Variants in ASTN2 observed in about 807,000 individuals in gnomAD.
ASTN2 encodes the protein astrotactin-2.
In ASTN2, 54 loss-of-function variants were observed where a neutral mutation model predicts 139.8. That is an observed-to-expected ratio of 0.39 (90% CI 0.31 to 0.48). ASTN2 has a LOEUF of 0.48. ASTN2 is among the 20% of genes least tolerant of loss of function. ASTN2 has a pLI of 0.95. For missense variants in ASTN2, 1,565 were observed against 1,725.1 expected, an observed-to-expected ratio of 0.91 and a Z score of 1.64; for synonymous variants, 756 against 719.5, an observed-to-expected ratio of 1.05 and a Z score of -0.81.
At chr9:117,382,601 G>T (rs564442908) in intron 1 of ASTN2, among the ~76,000 whole-genome samples, 1 of 152,196 alleles carries the variant, frequency 6.6e-6, no homozygotes, top group African/African-American at 2.4e-5. Flanking sequence ...ATGCTCCTAG[G>T]CCAGGGATGG....
chr9:116,549,539 T>G (rs941430437), intron 19 of ASTN2, among the ~76,000 whole-genome samples: 5 of 152,350 alleles, frequency 3.3e-5, no homozygotes, highest in Admixed American at 3.3e-4. Flanking sequence ...TTCCTCACCC[T>G]GTTTCCAGCC....
chr9:116,822,185 C>A (rs957967340), intron 11 of ASTN2, among the ~76,000 whole-genome samples: 7 of 42,402 alleles, frequency 1.7e-4, no homozygotes, highest in African/African-American at 7.6e-4. Context: ...TTACAAAAAC[C>A]ACAATAACAA....
chr9:116,480,770 C>G (rs1030788726), intron 20 of ASTN2, among the ~76,000 whole-genome samples: 1 of 152,090 alleles, frequency 6.6e-6, no homozygotes, highest in African/African-American at 2.4e-5. Flanking sequence ...ACAGTAGAGG[C>G]AAAGACCTTG....
At chr9:117,256,718 A>G (rs1833696951) in intron 2 of ASTN2, among the ~76,000 whole-genome samples, 1 of 152,194 alleles carries the variant, frequency 6.6e-6, no homozygotes, top group Non-Finnish European at 1.5e-5. Context: ...AATTATTACC[A>G]TTCTTTATCC....
intron 19 of ASTN2, among the ~76,000 whole-genome samples, chr9:116,512,880 G>A (rs1236331410): frequency 6.6e-6 from 1 of 151,818 alleles, no homozygotes; most frequent in Non-Finnish European, 1.5e-5. Flanking sequence ...TCTTTATTTT[G>A]AGCCTATGTG....
intron 5 of ASTN2, among the ~76,000 whole-genome samples, chr9:117,042,517 G>T (rs117444459): frequency 0.021 from 3,262 of 152,168 alleles, 117 homozygotes; most frequent in East Asian, 0.099. Flanking sequence ...ACATAAAAAG[G>T]TGATTCCAGT....
At chr9:116,996,222 T>C (rs893178569) in intron 7 of ASTN2, among the ~76,000 whole-genome samples, 14 of 152,148 alleles carry the variant, frequency 9.2e-5, no homozygotes, top group Non-Finnish European at 1.3e-4. Flanking sequence ...TGAGGACTTA[T>C]CTGATAATTA....
intron 11 of ASTN2, among the ~76,000 whole-genome samples, chr9:116,852,628 G>T (rs917565316): frequency 1.3e-5 from 2 of 152,056 alleles, no homozygotes; most frequent in African/African-American, 4.8e-5. Flanking sequence ...AGAAGCTGGA[G>T]AATACAGGCA....
At chr9:117,197,818 T>A (rs1427465155) in intron 3 of ASTN2, among the ~76,000 whole-genome samples, 1 of 152,224 alleles carries the variant, frequency 6.6e-6, no homozygotes, top group East Asian at 1.9e-4. Flanking sequence ...TGTTAATTAT[T>A]GAAAAATATT....
chr9:117,290,924 G>T (rs184225571), intron 2 of ASTN2, among the ~76,000 whole-genome samples: 12 of 152,284 alleles, frequency 7.9e-5, no homozygotes, highest in Admixed American at 7.8e-4. Flanking sequence ...TTAGGAAAAG[G>T]CAGCCTGTTC....
chr9:117,268,417 T>C (rs1205260385), intron 2 of ASTN2, among the ~76,000 whole-genome samples: 2 of 152,122 alleles, frequency 1.3e-5, no homozygotes, highest in African/African-American at 4.8e-5. Flanking sequence ...TTGACTGAAG[T>C]TCAAATCCAA....
chr9:116,840,739 G>A (rs1013393030), intron 11 of ASTN2, among the ~76,000 whole-genome samples: 8 of 145,004 alleles, frequency 5.5e-5, no homozygotes, highest in East Asian at 2.1e-4. Flanking sequence ...CATCCCGGAC[G>A]GGGCGGCAGG....
At position 117,141,445 on chromosome 9, in the gene ASTN2, G is replaced by A. The variant is rs1283813411; in HGVS notation, c.1049C>T (p.Ser350Phe). ...ACTCTCCTTGAACTTCTGCATCAGG[G>A]ACTCCACTGTCTCCTGAGTCGCCTC... ...AAEATQETVE[S>F]LMQKFKESFR... The change falls in exon 4 of 23, where the codon TCC becomes TTC. Residue 350 changes from serine (S) to phenylalanine (F), a missense_variant. Coordinates refer to ENST00000313400, the MANE Select transcript of ASTN2 (RefSeq NM_001365068.1). 1 of 1,367,390 alleles carries A rather than the reference G, an allele frequency of 7.3e-7. No homozygotes were observed. Among genetic ancestry groups the A allele is most frequent in the Admixed American group, 1.9e-5 (1 of 52,576 alleles). The allele number at this position is 1,367,390 out of a possible 1,614,324, so 84.7% of individuals were successfully genotyped here.
chr9:116,895,972 C>T (rs1833869774), intron 10 of ASTN2, among the ~76,000 whole-genome samples: 1 of 152,086 alleles, frequency 6.6e-6, no homozygotes, highest in Non-Finnish European at 1.5e-5. Context: ...CAATAAATGC[C>T]ATTGAATTTA....
Position 116,642,132 on chromosome 9 carries a change from C to CCAAAAAAAAAA in ASTN2, c.3072+9395_3072+9396insTTTTTTTTTTG, listed in dbSNP as rs1554724602. On this transcript the variant is annotated intron_variant, in intron 17 of 22. Coordinates refer to ENST00000313400, the MANE Select transcript of ASTN2 (RefSeq NM_001365068.1). ...TGGGAAAATGAAGGCTCCCAACCCACAAAAAAAAAAAAACAAAAAAAAACA... is the reference window on the plus strand; with the variant it reads ...TGGGAAAATGAAGGCTCCCAACCCACCAAAAAAAAAAAAAAAAAAAAAAACAAAAAAAAACA... 3.1e-4 allele frequency among the ~76,000 whole-genome samples: 15 copies of CCAAAAAAAAAA among 48,936 alleles called. 2 individuals are homozygous for CCAAAAAAAAAA. The highest frequency in any genetic ancestry group is 6.9e-4 in the African/African-American group (9 of 13,094). 32.1% of individuals were successfully genotyped at this position (48,936 alleles called of 152,430 possible).
chr9:117,321,264 G>A (rs1260863783), intron 1 of ASTN2, among the ~76,000 whole-genome samples: 2 of 152,180 alleles, frequency 1.3e-5, no homozygotes, highest in African/African-American at 4.8e-5. Flanking sequence ...GCAGTGGCAT[G>A]CCTAGATCAG....
At chr9:117,235,566 AC>A (rs1036538948) in intron 2 of ASTN2, among the ~76,000 whole-genome samples, 2 of 152,150 alleles carry the variant, frequency 1.3e-5, no homozygotes, top group Non-Finnish European at 2.9e-5. Flanking sequence ...TGTAAAATAA[AC>A]TACTACTACA....
chr9:117,280,547 C>T (rs558527841), intron 2 of ASTN2, among the ~76,000 whole-genome samples: 3 of 152,216 alleles, frequency 2.0e-5, no homozygotes, highest in East Asian at 3.9e-4. Flanking sequence ...TAGAAATTAG[C>T]GTTCAATAGC....
At chr9:117,079,816 C>T (rs1587940301) in intron 5 of ASTN2, among the ~76,000 whole-genome samples, 1 of 152,252 alleles carries the variant, frequency 6.6e-6, no homozygotes, top group Non-Finnish European at 1.5e-5. Context: ...GTTATAGAAA[C>T]ACAGTCTCCT....
Sources: allele counts gnomAD v4.1 joint callset (sites outside exome capture counted in the v4.1 genomes callset), GRCh38; gene constraint gnomAD v4.1.1; transcripts MANE v1.5; gene names NCBI Gene and HGNC (gene_info 2026-07-23, HGNC 2026-07-21).